Variants in PCDH17 observed in about 807,000 individuals in gnomAD.
The protein encoded by PCDH17 is protocadherin-17.
PCDH17 carries 21 observed loss-of-function variants against 67.7 expected under a neutral mutation model. That is an observed-to-expected ratio of 0.31 (90% CI 0.22 to 0.45). PCDH17 has a LOEUF of 0.45. Ranked by LOEUF, PCDH17 falls within the 20% of genes least tolerant of loss-of-function variation. The probability of loss-of-function intolerance (pLI) is 1.00; values close to 1 mark genes in which losing one functional copy is unlikely to be tolerated. For synonymous variants in PCDH17, 701 were observed against 656.7 expected, an observed-to-expected ratio of 1.07 and a Z score of -1.03; for missense variants, 1,471 against 1,564.8, an observed-to-expected ratio of 0.94 and a Z score of 1.01.
At chr13:57,655,746 A>G (rs895502908) in intron 1 of PCDH17, among the ~76,000 whole-genome samples, 4 of 152,120 alleles carry the variant, frequency 2.6e-5, no homozygotes, top group African/African-American at 9.6e-5. Context: ...ATTAAACAAT[A>G]AAACACATTA....
chr13:57,646,641 AATAGAAAGAAGC>A (rs1954969778), intron 1 of PCDH17, among the ~76,000 whole-genome samples: 1 of 151,794 alleles, frequency 6.6e-6, no homozygotes. Flanking sequence ...GTGAAGGAAA[AATAGAAAGAAGC>A]ATAGAAATGT....
chr13:57,654,407 T>TTTTTCA, intron 1 of PCDH17, among the ~76,000 whole-genome samples: 1 of 152,204 alleles, frequency 6.6e-6, no homozygotes, highest in East Asian at 1.9e-4. Flanking sequence ...TTAAGTTTTT[T>TTTTTCA]TTTTCATTTG....
At chr13:57,674,116 T>C (rs1955358306) in intron 3 of PCDH17, among the ~76,000 whole-genome samples, 1 of 151,990 alleles carries the variant, frequency 6.6e-6, no homozygotes, top group Non-Finnish European at 1.5e-5. Flanking sequence ...CTAACAAGTG[T>C]TGCATGATTT....
intron 3 of PCDH17, among the ~76,000 whole-genome samples, chr13:57,697,398 T>C (rs1955620523): frequency 1.3e-5 from 2 of 151,676 alleles, no homozygotes; most frequent in Non-Finnish European, 3.0e-5. Context: ...AGATTTGTGT[T>C]AACAGGTTTA....
chr13:57,650,957 A>G (rs773467109), intron 1 of PCDH17, among the ~76,000 whole-genome samples: 22 of 152,272 alleles, frequency 1.4e-4, no homozygotes, highest in Non-Finnish European at 2.9e-4. Context: ...CACTGCAGAG[A>G]TATCGATATG....
chr13:57,715,317 A>G lies in PCDH17; in HGVS notation c.2798-9295A>G, dbSNP rs191610915. On this transcript the variant is annotated intron_variant, in intron 3 of 3. Transcript: ENST00000377918. Reference sequence around the variant, plus strand: ...TAAAGTATGTAGTTGTTCCCATTATAGGTTACCCGTAGTGTTTGATAACTT... The same window carrying G: ...TAAAGTATGTAGTTGTTCCCATTATGGGTTACCCGTAGTGTTTGATAACTT... Among the ~76,000 whole-genome samples, 715 of 151,850 alleles carry G rather than the reference A, an allele frequency of 4.7e-3. 6 individuals are homozygous for G. The highest frequency in any genetic ancestry group is 8.8e-3 in the Non-Finnish European group (597 of 67,808).
chr13:57,710,315 G>C (rs1015147169), intron 3 of PCDH17, among the ~76,000 whole-genome samples: 3 of 151,638 alleles, frequency 2.0e-5, no homozygotes, highest in South Asian at 2.1e-4. Context: ...TACGTTAAAG[G>C]CTTCTTTACA....
At chr13:57,685,487 A>T (rs1048633155) in intron 3 of PCDH17, among the ~76,000 whole-genome samples, 1 of 152,032 alleles carries the variant, frequency 6.6e-6, no homozygotes, top group Non-Finnish European at 1.5e-5. Flanking sequence ...CTTAAAGCTT[A>T]CTTTCCCTCA....
At chr13:57,630,723 C>A (rs190488759), upstream of PCDH17, among the ~76,000 whole-genome samples, 228 of 152,252 alleles carry the variant, frequency 1.5e-3, no homozygotes, top group Middle Eastern at 0.01. Flanking sequence ...TCTTTTTCCC[C>A]AAAAACATGA....
At chr13:57,675,563 G>A (rs1955383420) in intron 3 of PCDH17, among the ~76,000 whole-genome samples, 1 of 151,940 alleles carries the variant, frequency 6.6e-6, no homozygotes, top group South Asian at 2.1e-4. Context: ...AATTTGTGGA[G>A]TAAGAAACAT....
chr13:57,644,165 C>T (rs1016787892), intron 1 of PCDH17, among the ~76,000 whole-genome samples: 2 of 151,592 alleles, frequency 1.3e-5, no homozygotes, highest in South Asian at 2.1e-4. Context: ...CAGGTTCCAA[C>T]CTTCTTAGGA....
chr13:57,695,169 G>T (rs895497593), intron 3 of PCDH17, among the ~76,000 whole-genome samples: 1 of 150,976 alleles, frequency 6.6e-6, no homozygotes, highest in Non-Finnish European at 1.5e-5. Context: ...CAAATGTGTA[G>T]AGAAAATGGG....
intron 1 of PCDH17, 34 bp from the exon 2 acceptor site, chr13:57,666,434 C>CA (rs770281707): frequency 5.2e-5 from 80 of 1,550,264 alleles, no homozygotes; most frequent in Admixed American, 3.7e-4. Flanking sequence ...GTCCAGTGTA[C>CA]AACTATACGT....
rs940937373 is a variant in PCDH17 at position 57,674,071 on chromosome 13, A to C, written c.2797+7238A>C. 1.2e-4 allele frequency among the ~76,000 whole-genome samples: 18 copies of C among 152,012 alleles called. 1 individual carries two copies. Among genetic ancestry groups the C allele is most frequent in the Admixed American group, 1.2e-3 (18 of 15,230 alleles). Reference sequence around the variant, plus strand: ...GGTATCATGAAAATAGAGAGATTTTATGATTCTCATATTTGTTGCACATTG... The same window carrying C: ...GGTATCATGAAAATAGAGAGATTTTCTGATTCTCATATTTGTTGCACATTG... On this transcript the variant is annotated intron_variant, in intron 3 of 3. Transcript: ENST00000377918.
At chr13:57,713,196 A>G (rs554311001) in intron 3 of PCDH17, among the ~76,000 whole-genome samples, 16 of 151,792 alleles carry the variant, frequency 1.1e-4, no homozygotes, top group Admixed American at 1.1e-3. Context: ...TGTTTTAATG[A>G]TTACAAAACA....
intron 3 of PCDH17, among the ~76,000 whole-genome samples, chr13:57,669,245 T>G (rs1955292378): frequency 6.6e-6 from 1 of 152,068 alleles, no homozygotes; most frequent in South Asian, 2.1e-4. Context: ...ATCTAGTAAG[T>G]GCTTTGAATA....
intron 1 of PCDH17, among the ~76,000 whole-genome samples, chr13:57,663,715 T>C (rs1477366342): frequency 6.6e-6 from 1 of 152,206 alleles, no homozygotes; most frequent in Non-Finnish European, 1.5e-5. Flanking sequence ...AAACTTCTGA[T>C]ACTCTGCTAG....
At chr13:57,640,276 G>A (rs902899064) in intron 1 of PCDH17, among the ~76,000 whole-genome samples, 1 of 151,826 alleles carries the variant, frequency 6.6e-6, no homozygotes, top group Admixed American at 6.6e-5. Flanking sequence ...CATACATTAA[G>A]AAAAAATATA....
At chr13:57,696,015 GA>G (rs1566238887) in intron 3 of PCDH17, among the ~76,000 whole-genome samples, 1 of 151,320 alleles carries the variant, frequency 6.6e-6, no homozygotes, top group African/African-American at 2.4e-5. Context: ...TTGAAATCCA[GA>G]ACTGTTAGCA....
Sources: gnomAD v4.1 joint callset for allele counts (sites outside exome capture counted in the v4.1 genomes callset) on GRCh38, gnomAD v4.1.1 for gene constraint, MANE v1.5 for transcripts, NCBI Gene and HGNC (gene_info 2026-07-23, HGNC 2026-07-21) for gene names.